Variants in TMEM95 observed in about 807,000 individuals in gnomAD.
TMEM95 encodes sperm-egg fusion protein TMEM95.
Under a neutral mutation model 27.7 loss-of-function variants are expected in TMEM95, and 21 were observed. The observed-to-expected ratio is 0.76, with a 90% CI of 0.54 to 1.09. The LOEUF is 1.09. TMEM95 is among the 50% of genes least tolerant of loss of function. TMEM95 has a pLI of 0.00. For synonymous variants in TMEM95, 77 were observed against 85.7 expected (o/e 0.90, Z 0.56); for missense variants, 203 against 217.9 (o/e 0.93, Z 0.43).
Position 7,357,062 on chromosome 17 carries a change from C to G in TMEM95, c.*430C>G, listed in dbSNP as rs1022750977. The G allele has an allele frequency of 4.9e-6, 1 of 205,778 alleles. No individual in the cohort carries two copies. The highest frequency in any genetic ancestry group is 2.3e-5 in the African/African-American group (1 of 43,284). 12.7% of individuals were successfully genotyped at this position (205,778 alleles called of 1,614,324 possible). ...GCCCTCCTATGACTGATGGGGAATC[C>G]GGGAATGCATGTTCTGGAAAACTCA... On this transcript the variant is annotated 3_prime_UTR_variant, in exon 7 of 7. Coordinates refer to ENST00000576060, the MANE Select transcript of TMEM95 (RefSeq NM_001320436.2).
rs771348016 is a variant in TMEM95, at chr17:7,355,815, G to A, written c.227-23G>A. 21 of 1,612,774 alleles carry A rather than the reference G, an allele frequency of 1.3e-5. No individual in the cohort carries two copies. The highest frequency in any genetic ancestry group is 1.6e-4 in the Middle Eastern group (1 of 6,068). On this transcript the variant is annotated intron_variant, in intron 2 of 6. Transcript: ENST00000576060. This position sits in a 1 kb window ranked among gnomAD's most constrained non-coding sequence, Gnocchi z 4.9. The stretch of plus-strand genomic sequence containing the variant: ...TGGCCCCGTCGAGGCCCAGGGAAAC[G>A]GAGCTGCTGTCTGCCTCCCCAGAAA...
At position 7,355,167 on chromosome 17, in the gene TMEM95, C is replaced by T. The variant is rs1172744239; in HGVS notation, c.-38C>T. 3.1e-6 allele frequency: 5 copies of T among 1,594,360 alleles called. No individual in the cohort carries two copies. Among genetic ancestry groups the T allele is most frequent in the Non-Finnish European group, 4.3e-6 (5 of 1,171,930 alleles). On this transcript the variant is annotated 5_prime_UTR_variant, in exon 1 of 7. Coordinates refer to ENST00000576060, the MANE Select transcript of TMEM95 (RefSeq NM_001320436.2). This position sits in a 1 kb window ranked among gnomAD's most constrained non-coding sequence, Gnocchi z 4.9. ...CAGGGCTGCAGAGCATTCCTCGGCTCAGCTGGGGCAGCGCCGCCCCATCCC... is the reference window on the plus strand; with the variant it reads ...CAGGGCTGCAGAGCATTCCTCGGCTTAGCTGGGGCAGCGCCGCCCCATCCC...
In TMEM95 at chr17:7,356,949, A is replaced by AT; in HGVS notation, c.*317_*318insT. 2.3e-6 allele frequency: 1 copy of AT among 433,660 alleles called. No homozygotes were observed. The highest frequency in any genetic ancestry group is 4.1e-6 in the Non-Finnish European group (1 of 244,742). The allele number at this position is 433,660 out of a possible 1,614,324, so 26.9% of individuals were successfully genotyped here. The stretch of plus-strand genomic sequence containing the variant: ...GCCAGGAAAATATCTACAGAAGGAA[A>AT]GAATCCCCTACGCCACTCCCACCAC... On this transcript the variant is annotated 3_prime_UTR_variant, in exon 7 of 7. Coordinates refer to ENST00000576060, the MANE Select transcript of TMEM95 (RefSeq NM_001320436.2).
intron 6 of TMEM95, 28 bp from the exon 7 acceptor site, chr17:7,356,571 T>C: frequency 6.2e-7 from 1 of 1,608,926 alleles, no homozygotes; most frequent in South Asian, 1.1e-5. Flanking sequence ...GCCCCTCCCG[T>C]AGGCTTCCCA....
chr17:7,355,537 C>CA lies in TMEM95; in HGVS notation c.170-48dup, dbSNP rs1567635692. 5.2e-6 allele frequency: 8 copies of CA among 1,549,082 alleles called. No individual in the cohort carries two copies. In the Middle Eastern group the frequency reaches 5.0e-4, roughly 97 times the overall value. ...TATCTGGGAAAGTCAGGAGAGACCC[C>CA]AGAACCTGGGCTGATGAGGGAATCG... On this transcript the variant is annotated intron_variant, in intron 1 of 6. Coordinates refer to ENST00000576060, the MANE Select transcript of TMEM95 (RefSeq NM_001320436.2). This position sits in a 1 kb window ranked among gnomAD's most constrained non-coding sequence, Gnocchi z 4.9.
rs200494186 is a variant in TMEM95, at chr17:7,356,564, C to T, written c.498-35C>T. 1,666 of 1,612,130 alleles carry T rather than the reference C, an allele frequency of 1.0e-3. 21 individuals are homozygous for T. The South Asian group carries it at 0.016, about 15-fold the overall frequency. ...TCCCTCCCTCTGTCCCTCCCAGGCC[C>T]CTCCCGTAGGCTTCCCACCCTCGTC... On this transcript the variant is annotated intron_variant, in intron 6 of 6. Transcript: ENST00000576060.
In TMEM95 at chr17:7,355,297, G is replaced by A. The variant is rs1444982430; in HGVS notation, c.93G>A (p.Leu31=). Reference sequence around the variant, plus strand: ...CAGCCCACGACTTGTCAGGCCGCCTGGCTCGGCTCTGCAGCCAGATGGAGG... The same window carrying A: ...CAGCCCACGACTTGTCAGGCCGCCTAGCTCGGCTCTGCAGCCAGATGGAGG... ...RLPAHDLSGR[L]ARLCSQMEAR... Residue 31 remains leucine, a synonymous_variant, in exon 1 of 7, where the codon CTG becomes CTA. Coordinates refer to ENST00000576060, the MANE Select transcript of TMEM95 (RefSeq NM_001320436.2). This position sits in a 1 kb window ranked among gnomAD's most constrained non-coding sequence, Gnocchi z 4.9. 1.2e-6 allele frequency: 2 copies of A among 1,614,100 alleles called. No homozygotes were observed. Among genetic ancestry groups the A allele is most frequent in the South Asian group, 1.1e-5 (1 of 91,086 alleles).
rs1237075241 is a variant in TMEM95 at position 7,355,640 on chromosome 17, T to C, written c.224T>C (p.Met75Thr). 2 of 1,519,622 alleles carry C rather than the reference T, an allele frequency of 1.3e-6. No homozygotes were observed. Among genetic ancestry groups the C allele is most frequent in the Non-Finnish European group, 1.8e-6 (2 of 1,129,754 alleles). The allele number at this position is 1,519,622 out of a possible 1,614,324, so 94.1% of individuals were successfully genotyped here. A position where few individuals can be genotyped will look rare whatever the true frequency, so the allele number is the denominator to read the frequency against. ...TEKTHRVLRV[M>T]EIKEAVSSLP... The stretch of plus-strand genomic sequence containing the variant: ...AAGACTCACAGAGTCCTGAGGGTCA[T>C]GGGTGAGGTCAAGGGGAAAGAGTGA... Residue 75 changes from methionine to threonine, a missense_variant and splice_region_variant, in exon 2 of 7, where the codon ATG becomes ACG. Transcript: ENST00000576060. This position sits in a 1 kb window ranked among gnomAD's most constrained non-coding sequence, Gnocchi z 4.9.
Position 7,355,824 on chromosome 17 carries a change from G to A in TMEM95, c.227-14G>A. 1 of 1,613,658 alleles carries A rather than the reference G, an allele frequency of 6.2e-7. No homozygotes were observed. The highest frequency in any genetic ancestry group is 8.5e-7 in the Non-Finnish European group (1 of 1,179,768). On this transcript the variant is annotated splice_polypyrimidine_tract_variant and intron_variant, in intron 2 of 6. Transcript: ENST00000576060. This position sits in a 1 kb window ranked among gnomAD's most constrained non-coding sequence, Gnocchi z 4.9. ...CGAGGCCCAGGGAAACGGAGCTGCT[G>A]TCTGCCTCCCCAGAAATCAAAGAGG...
rs940235388 is a variant in TMEM95 at position 7,355,562 on chromosome 17, G to A, written c.170-24G>A. On this transcript the variant is annotated intron_variant, in intron 1 of 6. Transcript: ENST00000576060. This position sits in a 1 kb window ranked among gnomAD's most constrained non-coding sequence, Gnocchi z 4.9. Reference sequence around the variant, plus strand: ...CAGAACCTGGGCTGATGAGGGAATCGCTGGTCCTTGCCCATCTCCACAGAT... The same window carrying A: ...CAGAACCTGGGCTGATGAGGGAATCACTGGTCCTTGCCCATCTCCACAGAT... The A allele has an allele frequency of 3.9e-6, 6 of 1,553,034 alleles. No individual in the cohort carries two copies. The highest frequency in any genetic ancestry group is 4.4e-6 in the Non-Finnish European group (5 of 1,147,588).
Position 7,356,053 on chromosome 17 carries a change from A to C in TMEM95, c.328+4A>C, listed in dbSNP as rs985707922. On this transcript the variant is annotated splice_donor_region_variant and intron_variant, in intron 4 of 6. Transcript: ENST00000576060. ...GCTCTCTGTCCCCCCGCCTGCCGTG[A>C]GTAGGAAAGGAAAGGGGTAGCAAGG... The C allele has an allele frequency of 1.9e-6, 3 of 1,613,612 alleles. No individual in the cohort carries two copies. The highest frequency in any genetic ancestry group is 2.5e-6 in the Non-Finnish European group (3 of 1,179,864).
Position 7,356,777 on chromosome 17 carries a change from T to C in TMEM95, c.*145T>C, listed in dbSNP as rs2073519082. 2.3e-6 allele frequency: 2 copies of C among 866,106 alleles called. No individual in the cohort carries two copies. The highest frequency in any genetic ancestry group is 1.7e-5 in the African/African-American group (1 of 57,764). The allele number at this position is 866,106 out of a possible 1,614,324, so 53.7% of individuals were successfully genotyped here. ...AAAACCCAGACATCCCTGCTTCTGG[T>C]TGGTGAGATAATGAAAAACAAGAAA... is the stretch of plus-strand genomic sequence containing the variant. On this transcript the variant is annotated 3_prime_UTR_variant, in exon 7 of 7. Transcript: ENST00000576060.
chr17:7,355,932 A>T lies in TMEM95; in HGVS notation c.307+14A>T, dbSNP rs776204286. 1.7e-5 allele frequency: 28 copies of T among 1,613,888 alleles called. No homozygotes were observed. The African/African-American group carries it at 3.1e-4, about 18-fold the overall frequency. On this transcript the variant is annotated intron_variant, in intron 3 of 6. Coordinates refer to ENST00000576060, the MANE Select transcript of TMEM95 (RefSeq NM_001320436.2). The surrounding 1 kb of genome is among the most constrained non-coding windows in gnomAD (Gnocchi z 4.9). ...ACACCAGGGAAGGTACCGATGCGGGATGGGCCTCAAGGGGAGCCTAGGGTC... is the reference window on the plus strand; with the variant it reads ...ACACCAGGGAAGGTACCGATGCGGGTTGGGCCTCAAGGGGAGCCTAGGGTC...
In TMEM95 at chr17:7,355,361, G is replaced by A. The variant is rs772070476; in HGVS notation, c.157G>A (p.Ala53Thr). 1 of 1,612,756 alleles carries A rather than the reference G, an allele frequency of 6.2e-7. No individual in the cohort carries two copies. Among genetic ancestry groups the A allele is most frequent in the Non-Finnish European group, 8.5e-7 (1 of 1,179,194 alleles). The change falls in exon 1 of 7, where the codon GCC becomes ACC. Residue 53 changes from alanine to threonine, a missense_variant. Physicochemically the swap from Ala to Thr is moderately conservative, Grantham distance 58. Transcript: ENST00000576060. The surrounding 1 kb of genome is among the most constrained non-coding windows in gnomAD (Gnocchi z 4.9). ...ATGTGGGGCCTCCCCAGACTTCTCG[G>A]CCTTTGCCTTAGGTAGGACCAGACA... is the stretch of plus-strand genomic sequence containing the variant. ...KECGASPDFS[A>T]FALDEVSMNK...
rs535465200 is a variant in TMEM95 at position 7,355,695 on chromosome 17, G to A, written c.226+53G>A. 4 of 1,532,780 alleles carry A rather than the reference G, an allele frequency of 2.6e-6. No individual in the cohort carries two copies. Among genetic ancestry groups the A allele is most frequent in the Admixed American group, 1.8e-5 (1 of 55,432 alleles). The allele number at this position is 1,532,780 out of a possible 1,614,324, so 94.9% of individuals were successfully genotyped here. ...GGGGCTTGGGAGGATACCAAGGAGA[G>A]GGACGGGTGACAGGGGTTGGGGTGG... On this transcript the variant is annotated intron_variant, in intron 2 of 6. Coordinates refer to ENST00000576060, the MANE Select transcript of TMEM95 (RefSeq NM_001320436.2). The surrounding 1 kb of genome is among the most constrained non-coding windows in gnomAD (Gnocchi z 4.9).
Position 7,356,636 on chromosome 17 carries a change from C to T in TMEM95, c.*4C>T, listed in dbSNP as rs781597325. 3.0e-5 allele frequency: 49 copies of T among 1,610,498 alleles called. No individual in the cohort carries two copies. The highest frequency in any genetic ancestry group is 1.6e-4 in the Middle Eastern group (1 of 6,068). ...CCAAGCAAAAAGTGGCTTGTGAAGACGCTGAAAACCTCCCAGCCTCCAGCT... is the reference window on the plus strand; with the variant it reads ...CCAAGCAAAAAGTGGCTTGTGAAGATGCTGAAAACCTCCCAGCCTCCAGCT... On this transcript the variant is annotated 3_prime_UTR_variant, in exon 7 of 7. Transcript: ENST00000576060.
chr17:7,356,607 A>G lies in TMEM95; in HGVS notation c.506A>G (p.His169Arg). 1 of 1,608,108 alleles carries G rather than the reference A, an allele frequency of 6.2e-7. No homozygotes were observed. The highest frequency in any genetic ancestry group is 8.5e-7 in the Non-Finnish European group (1 of 1,177,966). Reference sequence around the variant, plus strand: ...CCCTCGTCTTCCCTCAGGTCCCACCACCTCCAAGCAAAAAGTGGCTTGTGA... The same window carrying G: ...CCCTCGTCTTCCCTCAGGTCCCACCGCCTCCAAGCAAAAAGTGGCTTGTGA... ...GVLSLLVESH[H>R]LQAKSGL Residue 169 changes from histidine (H) to arginine (R), a missense_variant, in exon 7 of 7, where the codon CAC (histidine) becomes CGC (arginine). Coordinates refer to ENST00000576060, the MANE Select transcript of TMEM95 (RefSeq NM_001320436.2).
Position 7,356,947 on chromosome 17 carries a change from A to ATTTTTT in TMEM95, c.*315_*316insTTTTTT. ...ATGCCAGGAAAATATCTACAGAAGG[A>ATTTTTT]AAGAATCCCCTACGCCACTCCCACC... On this transcript the variant is annotated 3_prime_UTR_variant, in exon 7 of 7. Transcript: ENST00000576060. 1 of 436,754 alleles carries ATTTTTT rather than the reference A, an allele frequency of 2.3e-6. No homozygotes were observed. Among genetic ancestry groups the ATTTTTT allele is most frequent in the Non-Finnish European group, 4.1e-6 (1 of 246,664 alleles). The allele number at this position is 436,754 out of a possible 1,614,324, so 27.1% of individuals were successfully genotyped here.
Position 7,356,854 on chromosome 17 carries a change from G to A in TMEM95, c.*222G>A. On this transcript the variant is annotated 3_prime_UTR_variant, in exon 7 of 7. Coordinates refer to ENST00000576060, the MANE Select transcript of TMEM95 (RefSeq NM_001320436.2). ...ATCCCAGTGTCAGATGGCCTCCCGG[G>A]AACCCAGGCACCCACAGCTGGAAAG... The A allele has an allele frequency of 1.8e-6, 1 of 551,570 alleles. No homozygotes were observed. The highest frequency in any genetic ancestry group is 3.2e-6 in the Non-Finnish European group (1 of 311,514). The allele number at this position is 551,570 out of a possible 1,614,324, so 34.2% of individuals were successfully genotyped here.
Sources: gnomAD v4.1 joint callset for allele counts on GRCh38, gnomAD v4.1.1 for gene constraint, Gnocchi (gnomAD v3.1) non-coding constraint, MANE v1.5 for transcripts, NCBI Gene and HGNC (gene_info 2026-07-23, HGNC 2026-07-21) for gene names.